GLIS3: variants seen among roughly 807,000 people sequenced by gnomAD.
The protein encoded by GLIS3 is GLIS family zinc finger 3, also known as zinc finger protein GLIS3.
Under a neutral mutation model 78.6 loss-of-function variants are expected in GLIS3, and 53 were observed. The observed-to-expected ratio is 0.67, with a 90% CI of 0.54 to 0.85. GLIS3 has a LOEUF of 0.85. GLIS3 is among the 40% of genes least tolerant of loss of function. The pLI, the probability that GLIS3 is intolerant of heterozygous loss-of-function variation, is 0.00. For synonymous variants in GLIS3, 684 were observed against 509.9 expected (o/e 1.34, Z -4.60); for missense variants, 1,703 against 1,231.1 (o/e 1.38, Z -5.74).
In GLIS3 at chr9:4,118,337, G is replaced by C. The variant is rs761982639; in HGVS notation, c.1141C>G (p.Leu381Val). 2 of 1,577,258 alleles carry C rather than the reference G, an allele frequency of 1.3e-6. No individual in the cohort carries two copies. Among genetic ancestry groups the C allele is most frequent in the Non-Finnish European group, 8.6e-7 (1 of 1,165,180 alleles). The change falls in exon 4 of 11, where the codon CTG (leucine) becomes GTG (valine). Residue 381 changes from leucine (L) to valine (V), a missense_variant. Transcript: ENST00000381971. The surrounding 1 kb of genome is among the most constrained non-coding windows in gnomAD (Gnocchi z 4.7). Reference sequence around the variant, plus strand: ...GCCCCGTCCTCGCCGTAGGCCGGCAGCGCCAGGCCTCCAGGGGCCACCAGC... The same window carrying C: ...GCCCCGTCCTCGCCGTAGGCCGGCACCGCCAGGCCTCCAGGGGCCACCAGC... ...GVLVAPGGLA[L>V]PAYGEDGALE...
At chr9:4,214,637 T>C (rs1175003891) in intron 2 of GLIS3, among the ~76,000 whole-genome samples, 1 of 152,198 alleles carries the variant, frequency 6.6e-6, no homozygotes, top group Non-Finnish European at 1.5e-5. Context: ...TGGTTTTCAT[T>C]TAGCTTCCTT....
At chr9:4,474,682 G>A in the GLIS3 span, among the ~76,000 whole-genome samples, 1 of 148,696 alleles carries the variant, frequency 6.7e-6, no homozygotes, top group African/African-American at 2.5e-5. Flanking sequence ...TACTTTTAAT[G>A]TGAAGTCCAA....
chr9:4,329,329 C>T (rs1381690168), intron 2 of GLIS3, among the ~76,000 whole-genome samples: 1 of 152,154 alleles, frequency 6.6e-6, no homozygotes, highest in Non-Finnish European at 1.5e-5. Context: ...TCTCTGTTAG[C>T]TTGTTTCCGA....
At chr9:4,196,454 G>T (rs1238625582) in intron 2 of GLIS3, among the ~76,000 whole-genome samples, 3 of 152,182 alleles carry the variant, frequency 2.0e-5, no homozygotes, top group African/African-American at 7.2e-5. Flanking sequence ...AAATCTTGCT[G>T]CTCCTCACTA....
rs1000288718 is a variant in GLIS3, at chr9:3,825,028, C to A, written c.*3244G>T. The stretch of plus-strand genomic sequence containing the variant: ...TGGCCAAGACAGTCAAATAAAATAC[C>A]AAATAATTAAATTGAAAATGTACAG... On this transcript the variant is annotated 3_prime_UTR_variant, in exon 11 of 11. Transcript: ENST00000381971. 1 of 151,404 alleles carries A rather than the reference C, an allele frequency of 6.6e-6. No individual in the cohort carries two copies. Among genetic ancestry groups the A allele is most frequent in the Admixed American group, 6.6e-5 (1 of 15,204 alleles). The allele number at this position is 151,404 out of a possible 1,614,324, so 9.4% of individuals were successfully genotyped here.
chr9:4,223,434 CACAA>C (rs1290354711), intron 2 of GLIS3, among the ~76,000 whole-genome samples: 4 of 152,190 alleles, frequency 2.6e-5, no homozygotes, highest in Non-Finnish European at 4.4e-5. Context: ...CGGATTGCCT[CACAA>C]ACAAACCATA....
At chr9:3,962,696 A>C (rs1284847969) in intron 4 of GLIS3, among the ~76,000 whole-genome samples, 2 of 152,154 alleles carry the variant, frequency 1.3e-5, no homozygotes, top group African/African-American at 4.8e-5. Flanking sequence ...AGGGAGAAAC[A>C]AGAGAAAGGG....
At chr9:4,162,491 T>C (rs1470034543) in intron 2 of GLIS3, among the ~76,000 whole-genome samples, 1 of 152,172 alleles carries the variant, frequency 6.6e-6, no homozygotes, top group Non-Finnish European at 1.5e-5. Flanking sequence ...GAAGGTGATA[T>C]AATTCAATGA....
chr9:3,885,879 C>G (rs1822041981), intron 7 of GLIS3, among the ~76,000 whole-genome samples: 1 of 152,158 alleles, frequency 6.6e-6, no homozygotes, highest in African/African-American at 2.4e-5. Flanking sequence ...ACAGATAGAC[C>G]TGAATTAGAA....
In GLIS3 at chr9:4,125,955, A is replaced by G; in HGVS notation, c.389-14T>C. 1 of 1,605,960 alleles carries G rather than the reference A, an allele frequency of 6.2e-7. No individual in the cohort carries two copies. ...AGCCAAGAGCCCCTAAAAACAAATG[A>G]ATCAGGTTAGCTTTCATGTCCCTTA... is the stretch of plus-strand genomic sequence containing the variant. On this transcript the variant is annotated splice_polypyrimidine_tract_variant and intron_variant, in intron 2 of 10. Coordinates refer to ENST00000381971, the MANE Select transcript of GLIS3 (RefSeq NM_001042413.2).
chr9:4,001,897 C>T (rs1162311733), intron 4 of GLIS3, among the ~76,000 whole-genome samples: 1 of 152,178 alleles, frequency 6.6e-6, no homozygotes, highest in East Asian at 1.9e-4. Context: ...CTAGCATTCT[C>T]CCATATACAT....
At chr9:4,102,128 G>A (rs560649092) in intron 4 of GLIS3, among the ~76,000 whole-genome samples, 19 of 152,236 alleles carry the variant, frequency 1.2e-4, no homozygotes, top group African/African-American at 4.6e-4. Context: ...ATAAATTCTA[G>A]ACACAACCAT....
At chr9:4,277,971 G>T (rs907149781) in intron 2 of GLIS3, among the ~76,000 whole-genome samples, 1 of 152,134 alleles carries the variant, frequency 6.6e-6, no homozygotes, top group African/African-American at 2.4e-5. Context: ...CTTACTCAGT[G>T]GCTCAGATAC....
intron 4 of GLIS3, among the ~76,000 whole-genome samples, chr9:4,073,108 T>C (rs1827750443): frequency 6.6e-6 from 1 of 152,152 alleles, no homozygotes; most frequent in South Asian, 2.1e-4. Flanking sequence ...AGCAGGCTTA[T>C]AACCTTGCAA....
At chr9:3,910,646 TA>T (rs1287684564) in intron 6 of GLIS3, among the ~76,000 whole-genome samples, 9 of 152,236 alleles carry the variant, frequency 5.9e-5, no homozygotes, top group African/African-American at 2.2e-4. Context: ...CCAAGTTTTT[TA>T]TACAGGTAAG....
At chr9:4,256,282 A>G (rs77140606) in intron 2 of GLIS3, among the ~76,000 whole-genome samples, 5,997 of 152,282 alleles carry the variant, frequency 0.039, 351 homozygotes, top group African/African-American at 0.14. Context: ...GTATCATACC[A>G]TTCAGCAAAT....
chr9:4,044,027 G>A (rs1825046043), intron 4 of GLIS3, among the ~76,000 whole-genome samples: 1 of 152,338 alleles, frequency 6.6e-6, no homozygotes, highest in South Asian at 2.1e-4. Flanking sequence ...TAAGGGCCAA[G>A]AGGGCAGAGC....
At chr9:3,900,072 G>C (rs1304502516) in intron 6 of GLIS3, among the ~76,000 whole-genome samples, 1 of 151,976 alleles carries the variant, frequency 6.6e-6, no homozygotes, top group Non-Finnish European at 1.5e-5. Flanking sequence ...GAGTCAAGCA[G>C]GGTGAGCCTG....
At chr9:4,395,777 C>CT in the GLIS3 span, among the ~76,000 whole-genome samples, 3,635 of 127,640 alleles carry the variant, frequency 0.028, 57 homozygotes, top group African/African-American at 0.036. Flanking sequence ...TTCTTTTTTT[C>CT]TTTTTTTTTT....
Sources: gnomAD v4.1 joint callset for allele counts (sites outside exome capture counted in the v4.1 genomes callset) on GRCh38, gnomAD v4.1.1 for gene constraint, Gnocchi (gnomAD v3.1) non-coding constraint, MANE v1.5 for transcripts, NCBI Gene and HGNC (gene_info 2026-07-23, HGNC 2026-07-21) for gene names.